SORD: variants seen among roughly 807,000 people sequenced by gnomAD.
SORD encodes the protein sorbitol dehydrogenase.
SORD carries 18 observed loss-of-function variants against 35.6 expected under a neutral mutation model. The observed-to-expected ratio is 0.51, with a 90% confidence interval of 0.35 to 0.75. The LOEUF (loss-of-function observed/expected upper bound fraction) is 0.75, where lower values mean the gene tolerates loss of function less well. Ranked by LOEUF, SORD falls within the 30% of genes least tolerant of loss-of-function variation. SORD has a pLI of 0.01. For missense variants in SORD, 250 were observed against 390.2 expected (o/e 0.64, Z 3.03); for synonymous variants, 106 against 152.9 (o/e 0.69, Z 2.26).
chr15:45,026,434 A>G (rs1892669594), intron 1 of SORD, among the ~76,000 whole-genome samples: 1 of 152,194 alleles, frequency 6.6e-6, no homozygotes, highest in South Asian at 2.1e-4. Flanking sequence ...GATAAGAGGA[A>G]GTGGGGAGAA....
At chr15:45,060,335 G>C (rs866373029) in intron 3 of SORD, among the ~76,000 whole-genome samples, 1 of 152,180 alleles carries the variant, frequency 6.6e-6, no homozygotes, top group Non-Finnish European at 1.5e-5. Context: ...CTGTATGTTT[G>C]AAATTCTTCA....
chr15:45,063,192 C>T (rs1042617334), intron 4 of SORD, among the ~76,000 whole-genome samples: 5 of 150,654 alleles, frequency 3.3e-5, no homozygotes, highest in Non-Finnish European at 5.9e-5. Context: ...TCCCTAGACC[C>T]AAGCCCTCCT....
chr15:45,052,227 G>A (rs771080107), intron 3 of SORD, among the ~76,000 whole-genome samples: 3 of 152,224 alleles, frequency 2.0e-5, no homozygotes, highest in South Asian at 2.1e-4. Flanking sequence ...GGAAGCAATT[G>A]TCTGTTAGCC....
chr15:45,024,115 A>G (rs1323336525), intron 1 of SORD, among the ~76,000 whole-genome samples: 5 of 152,178 alleles, frequency 3.3e-5, no homozygotes, highest in Non-Finnish European at 4.4e-5. Flanking sequence ...GGCTTGTGGC[A>G]CCAAAGTTTA....
intron 1 of SORD, among the ~76,000 whole-genome samples, chr15:45,030,921 C>T (rs1164833075): frequency 1.3e-5 from 2 of 152,358 alleles, no homozygotes; most frequent in East Asian, 3.9e-4. Context: ...CCTACTTGTG[C>T]TGACTCCGAC....
At chr15:45,054,616 G>T (rs1893183189) in intron 3 of SORD, among the ~76,000 whole-genome samples, 2 of 151,938 alleles carry the variant, frequency 1.3e-5, no homozygotes, top group South Asian at 4.1e-4. Context: ...TCTGATGGTA[G>T]TTTCTTTTGC....
chr15:45,043,826 A>T (rs1893005068), intron 3 of SORD, among the ~76,000 whole-genome samples: 1 of 150,634 alleles, frequency 6.6e-6, no homozygotes, highest in Middle Eastern at 3.4e-3. Flanking sequence ...TTTTTATTAG[A>T]TGGCTGGGAA....
chr15:45,061,188 C>G lies in SORD; in HGVS notation c.387C>G (p.Leu129=). ...CCACGCCCCCCGATGACGGGAACCT[C>G]TGCCGGTTCTATAAGCACAATGCAG... The part of the protein sequence containing the change: ...FCATPPDDGN[L]CRFYKHNAAF... Residue 129 remains leucine, a synonymous_variant, in exon 4 of 9, where the codon CTC becomes CTG. Coordinates refer to ENST00000267814, the MANE Select transcript of SORD (RefSeq NM_003104.6). 2 of 1,614,254 alleles carry G rather than the reference C, an allele frequency of 1.2e-6. No homozygotes were observed. The highest frequency in any genetic ancestry group is 1.7e-6 in the Non-Finnish European group (2 of 1,180,040).
intron 1 of SORD, among the ~76,000 whole-genome samples, chr15:45,029,768 C>T (rs1892742384): frequency 6.6e-6 from 1 of 152,202 alleles, no homozygotes; most frequent in Admixed American, 6.5e-5. Context: ...GAGAATTTTA[C>T]TGAGCAATGA....
At chr15:45,065,892 T>G (rs1288461757) in intron 5 of SORD, among the ~76,000 whole-genome samples, 1 of 149,692 alleles carries the variant, frequency 6.7e-6, no homozygotes, top group Non-Finnish European at 1.5e-5. Context: ...TGAACTCCAG[T>G]CTGGGTGACA....
At chr15:45,071,500 G>A (rs540440919) in intron 7 of SORD, among the ~76,000 whole-genome samples, 4 of 152,298 alleles carry the variant, frequency 2.6e-5, no homozygotes, top group African/African-American at 4.8e-5. Flanking sequence ...GCTGTGACAT[G>A]TGCCTTTCTC....
At chr15:45,053,658 T>C (rs1440078490) in intron 3 of SORD, among the ~76,000 whole-genome samples, 1 of 152,010 alleles carries the variant, frequency 6.6e-6, no homozygotes, top group East Asian at 1.9e-4. Context: ...TTTATTATTA[T>C]TATACTTTAA....
intron 3 of SORD, chr15:45,050,506 C>T (rs1162495297): frequency 6.6e-6 from 1 of 152,200 alleles, no homozygotes; most frequent in Non-Finnish European, 1.5e-5. Context: ...CTTTACTCAC[C>T]ACAGTTTAGG....
chr15:45,030,914 A>G (rs913573398), intron 1 of SORD, among the ~76,000 whole-genome samples: 2 of 152,250 alleles, frequency 1.3e-5, no homozygotes, highest in Non-Finnish European at 2.9e-5. Flanking sequence ...GTTCCAGCCT[A>G]CTTGTGCTGA....
chr15:45,038,612 A>G (rs1266556329), intron 1 of SORD, among the ~76,000 whole-genome samples: 1 of 152,192 alleles, frequency 6.6e-6, no homozygotes, highest in African/African-American at 2.4e-5. Flanking sequence ...AAGTACAAAC[A>G]CTTGAGTTTA....
chr15:45,044,897 C>T (rs992182461), intron 3 of SORD, among the ~76,000 whole-genome samples: 1 of 151,928 alleles, frequency 6.6e-6, no homozygotes, highest in Non-Finnish European at 1.5e-5. Flanking sequence ...TGGGCTTCAC[C>T]GTGTTGGCCA....
At chr15:45,063,947 T>G (rs916783913) in intron 4 of SORD, among the ~76,000 whole-genome samples, 3 of 147,336 alleles carry the variant, frequency 2.0e-5, no homozygotes, top group Non-Finnish European at 3.0e-5. Context: ...GGGTGGTGGG[T>G]GGCAGCTGGG....
At chr15:45,027,523 C>G (rs1181520153) in intron 1 of SORD, among the ~76,000 whole-genome samples, 12 of 152,372 alleles carry the variant, frequency 7.9e-5, no homozygotes, top group African/African-American at 2.6e-4. Flanking sequence ...AAGCAGGAAG[C>G]CAGAGCCCCT....
At chr15:45,048,044 C>T (rs556939040) in intron 3 of SORD, among the ~76,000 whole-genome samples, 1 of 152,296 alleles carries the variant, frequency 6.6e-6, no homozygotes, top group African/African-American at 2.4e-5. Context: ...ATTTGGAGTT[C>T]CCCTACACAG....
Sources: gnomAD v4.1 joint callset for allele counts (sites outside exome capture counted in the v4.1 genomes callset) on GRCh38, gnomAD v4.1.1 for gene constraint, MANE v1.5 for transcripts, NCBI Gene and HGNC (gene_info 2026-07-23, HGNC 2026-07-21) for gene names.